The following ACTMAP variants were observed in gnomAD, a reference collection of about 807,000 sequenced individuals.
ACTMAP encodes actin maturation protease, also known as UPF0692 protein C19orf54.
the ACTMAP span, chr19:40,744,589 C>G: frequency 6.2e-7 from 1 of 1,613,728 alleles, no homozygotes; most frequent in South Asian, 1.1e-5. Flanking sequence ...GCCGTGTAGC[C>G]TCTTTCCGTG....
chr19:40,744,064 T>A, the ACTMAP span: 1 of 1,613,856 alleles, frequency 6.2e-7, no homozygotes. Flanking sequence ...GGCCCTGGGA[T>A]ACGGGATGAG....
At chr19:40,748,424 G>A in the ACTMAP span, among the ~76,000 whole-genome samples, 2 of 151,988 alleles carry the variant, frequency 1.3e-5, no homozygotes, top group Non-Finnish European at 2.9e-5. Flanking sequence ...GTGAGTCCTG[G>A]CAAGTCGCTT....
chr19:40,744,336 G>GT, the ACTMAP span: 3 of 1,382,082 alleles, frequency 2.2e-6, no homozygotes, highest in African/African-American at 1.4e-5. Flanking sequence ...CACAAAGAGC[G>GT]TGAGTGGCTT....
chr19:40,749,742 G>A, the ACTMAP span: 2 of 1,493,720 alleles, frequency 1.3e-6, no homozygotes, highest in East Asian at 2.5e-5. Context: ...GCTGGCTTGG[G>A]GTACAGGGGT....
At chr19:40,744,413 C>A in the ACTMAP span, 1 of 1,435,006 alleles carries the variant, frequency 7.0e-7, no homozygotes, top group Non-Finnish European at 9.3e-7. Context: ...TCAAGTCCAT[C>A]TTGTAACCTC....
the ACTMAP span, chr19:40,741,727 G>A: frequency 2.2e-6 from 1 of 456,724 alleles, no homozygotes; most frequent in South Asian, 1.5e-5. Context: ...CCTCAGGCCA[G>A]TGATTCCACT....
chr19:40,744,758 G>T, the ACTMAP span: 1 of 1,510,470 alleles, frequency 6.6e-7, no homozygotes, highest in East Asian at 2.3e-5. Context: ...TGGGGAACAG[G>T]TTTGCTGCCC....
the ACTMAP span, chr19:40,744,695 G>A: frequency 1.9e-6 from 3 of 1,600,532 alleles, no homozygotes; most frequent in Non-Finnish European, 2.6e-6. Flanking sequence ...TGGGGACAGA[G>A]AGGCCCAGCC....
chr19:40,745,765 C>T, the ACTMAP span, among the ~76,000 whole-genome samples: 2 of 152,138 alleles, frequency 1.3e-5, no homozygotes, highest in African/African-American at 2.4e-5. Context: ...CCCTACCTCC[C>T]GGGTTCAAGT....
At chr19:40,741,905 G>A in the ACTMAP span, 1 of 452,308 alleles carries the variant, frequency 2.2e-6, no homozygotes, top group African/African-American at 2.0e-5. Flanking sequence ...CTTGACTGGG[G>A]CTGCAGGACT....
At chr19:40,741,774 T>C in the ACTMAP span, 2 of 456,498 alleles carry the variant, frequency 4.4e-6, no homozygotes, top group Non-Finnish European at 8.8e-6. Flanking sequence ...TCAAATCGGG[T>C]CCATCTAGCA....
At chr19:40,749,624 A>T in the ACTMAP span, 1 of 1,549,958 alleles carries the variant, frequency 6.5e-7, no homozygotes, top group Non-Finnish European at 8.7e-7. Flanking sequence ...CAGCGGGTGG[A>T]GGAGGCAGTG....
At chr19:40,744,862 C>CTGGGGGCCCAGGGCT in the ACTMAP span, 1 of 1,030,306 alleles carries the variant, frequency 9.7e-7, no homozygotes, top group African/African-American at 1.6e-5. Context: ...GGGTGGAAGG[C>CTGGGGGCCCAGGGCT]GGGGGAGAGG....
chr19:40,743,941 T>C, the ACTMAP span: 1 of 1,614,028 alleles, frequency 6.2e-7, no homozygotes, highest in Non-Finnish European at 8.5e-7. Flanking sequence ...TGGCCCTTCC[T>C]CTGACACGGC....
chr19:40,744,988 G>A, the ACTMAP span: 2 of 1,019,694 alleles, frequency 2.0e-6, no homozygotes, highest in Non-Finnish European at 3.0e-6. Context: ...TCAGAAGCCT[G>A]AGTGGAAAGT....
At chr19:40,742,822 G>A in the ACTMAP span, 1 of 1,511,704 alleles carries the variant, frequency 6.6e-7, no homozygotes, top group South Asian at 1.2e-5. Context: ...AGGACCAGGT[G>A]CTGGGGCTCA....
the ACTMAP span, among the ~76,000 whole-genome samples, chr19:40,743,649 G>T: frequency 2.0e-5 from 3 of 152,180 alleles, no homozygotes; most frequent in Admixed American, 2.0e-4. Context: ...GATGATACCT[G>T]CCCAGAGTCA....
the ACTMAP span, chr19:40,745,153 C>T: frequency 1.9e-5 from 29 of 1,551,898 alleles, no homozygotes; most frequent in Admixed American, 2.4e-4. Flanking sequence ...GGATGAGGGA[C>T]GGCAGGTCTG....
At chr19:40,745,245 C>T in the ACTMAP span, 1 of 1,539,522 alleles carries the variant, frequency 6.5e-7, no homozygotes, top group East Asian at 2.4e-5. Flanking sequence ...CTCTGAAGCA[C>T]CCCCTACCCT....
Sources: gnomAD v4.1 joint callset for allele counts (sites outside exome capture counted in the v4.1 genomes callset) on GRCh38, gnomAD v4.1.1 for gene constraint, MANE v1.5 for transcripts, NCBI Gene and HGNC (gene_info 2026-07-23, HGNC 2026-07-21) for gene names.